Variants in SLC10A7 observed in about 807,000 individuals in gnomAD.
The protein encoded by SLC10A7 is sodium/bile acid cotransporter 7.
A neutral mutation model predicts 43.2 loss-of-function variants in SLC10A7; 29 were observed. The observed-to-expected ratio is 0.67, with a 90% CI of 0.50 to 0.92. The LOEUF is 0.92. Among genes scored for constraint, SLC10A7 ranks in the 40% least tolerant of loss-of-function variants. The pLI, the probability that SLC10A7 is intolerant of heterozygous loss-of-function variation, is 0.00. For synonymous variants in SLC10A7, 152 were observed against 144.8 expected (o/e 1.05, Z -0.35); for missense variants, 295 against 403.2 (o/e 0.73, Z 2.30).
At position 146,442,689 on chromosome 4, in the gene SLC10A7, A is replaced by G. The variant is rs375481435; in HGVS notation, c.435+94T>C. ...GATTCAACAATTTTTATACTTAACC[A>G]AAGAGTAAAACAAATCCAGCTTTCA... On this transcript the variant is annotated intron_variant, in intron 5 of 11. Coordinates refer to ENST00000335472, the MANE Select transcript of SLC10A7 (RefSeq NM_001029998.6). 9.0e-6 allele frequency: 14 copies of G among 1,549,652 alleles called. No individual in the cohort carries two copies. In the East Asian group the frequency reaches 1.2e-4, roughly 13 times the overall value.
chr4:146,434,507 A>C (rs1730047164), intron 5 of SLC10A7, among the ~76,000 whole-genome samples: 2 of 152,240 alleles, frequency 1.3e-5, no homozygotes, highest in Non-Finnish European at 2.9e-5. Context: ...AAAAAGTAGC[A>C]GTTTTAAAAA....
intron 5 of SLC10A7, among the ~76,000 whole-genome samples, chr4:146,435,920 T>C (rs1730175157): frequency 6.6e-6 from 1 of 152,080 alleles, no homozygotes; most frequent in African/African-American, 2.4e-5. Flanking sequence ...ACTGATGATG[T>C]TTCAAAAATT....
At chr4:146,463,734 C>T (rs535498825) in intron 4 of SLC10A7, among the ~76,000 whole-genome samples, 1 of 151,632 alleles carries the variant, frequency 6.6e-6, no homozygotes, top group Non-Finnish European at 1.5e-5. Context: ...GAGCAAGACC[C>T]TGTCTTAAAA....
At chr4:146,399,308 C>A (rs11725876) in intron 5 of SLC10A7, among the ~76,000 whole-genome samples, 32,688 of 151,986 alleles carry the variant, frequency 0.22, 3,665 homozygotes, top group African/African-American at 0.27. Flanking sequence ...AGCTAGATAA[C>A]AGGGCTTACT....
intron 7 of SLC10A7, among the ~76,000 whole-genome samples, 192 bp from the exon 8 acceptor site, chr4:146,294,287 C>T (rs1048389999): frequency 1.3e-5 from 2 of 152,172 alleles, no homozygotes; most frequent in African/African-American, 4.8e-5. Context: ...AGTGCAACTT[C>T]CACTGGGTGT....
chr4:146,335,928 C>T (rs879502809), intron 5 of SLC10A7, among the ~76,000 whole-genome samples: 17 of 151,978 alleles, frequency 1.1e-4, no homozygotes, highest in East Asian at 3.9e-4. Flanking sequence ...GTGATCTAAG[C>T]GCCAGCAACA....
chr4:146,348,881 T>A (rs1471797858), intron 5 of SLC10A7, among the ~76,000 whole-genome samples: 1 of 152,178 alleles, frequency 6.6e-6, no homozygotes. Context: ...TTAGATCCCG[T>A]GCCATATTAG....
intron 5 of SLC10A7, among the ~76,000 whole-genome samples, chr4:146,407,722 C>A (rs1346919487): frequency 6.6e-6 from 1 of 152,146 alleles, no homozygotes; most frequent in Non-Finnish European, 1.5e-5. Flanking sequence ...TTAACAGAAC[C>A]CTGTTTTCTT....
intron 5 of SLC10A7, among the ~76,000 whole-genome samples, chr4:146,356,051 A>AATAT (rs763407986): frequency 0.016 from 2,209 of 140,060 alleles, 37 homozygotes; most frequent in African/African-American, 0.042. Context: ...AAAAAAAAAA[A>AATAT]ATATATATAT....
At chr4:146,302,960 C>A (rs1265426184) in intron 7 of SLC10A7, among the ~76,000 whole-genome samples, 2 of 152,138 alleles carry the variant, frequency 1.3e-5, no homozygotes, top group African/African-American at 4.8e-5. Flanking sequence ...GATACTTATA[C>A]CCACAGCTGC....
intron 9 of SLC10A7, among the ~76,000 whole-genome samples, chr4:146,285,923 G>C (rs201045753): frequency 0.06 from 9,018 of 151,194 alleles, 263 homozygotes; most frequent in South Asian, 0.18. Flanking sequence ...ACTGAGTTTG[G>C]AGTGGTGAGA....
At chr4:146,277,017 A>C in intron 10 of SLC10A7, among the ~76,000 whole-genome samples, 1 of 152,190 alleles carries the variant, frequency 6.6e-6, no homozygotes. Flanking sequence ...TATTTGAGGA[A>C]GAAGGTAAAA....
chr4:146,258,815 C>T lies in SLC10A7; in HGVS notation c.870G>A (p.Val290=), dbSNP rs773846009. Residue 290 remains valine, a synonymous_variant, in exon 11 of 12, where the codon GTG becomes GTA. Coordinates refer to ENST00000335472, the MANE Select transcript of SLC10A7 (RefSeq NM_001029998.6). ...AAGAGAGATGCTCATGGCCTGCAAA[C>T]ACGATCTTCAGCATCGGAATTCCTG... The part of the protein sequence containing the change: ...LTLGIPMLKI[V]FAGHEHLSLI... 5.6e-6 allele frequency: 9 copies of T among 1,608,042 alleles called. No individual in the cohort carries two copies. In the South Asian group the frequency reaches 9.0e-5, roughly 16 times the overall value.
intron 5 of SLC10A7, among the ~76,000 whole-genome samples, chr4:146,416,151 G>C (rs1356962880): frequency 6.6e-6 from 1 of 152,174 alleles, no homozygotes; most frequent in Non-Finnish European, 1.5e-5. Context: ...GGAGATGCCA[G>C]AAATTAAAGC....
intron 5 of SLC10A7, among the ~76,000 whole-genome samples, chr4:146,386,159 T>TG (rs1737978853): frequency 6.6e-6 from 1 of 152,198 alleles, no homozygotes; most frequent in Non-Finnish European, 1.5e-5. Flanking sequence ...CTCTCCAAAC[T>TG]GCTTTCCACA....
chr4:146,402,344 A>C (rs1005804298), intron 5 of SLC10A7, among the ~76,000 whole-genome samples: 9 of 152,154 alleles, frequency 5.9e-5, no homozygotes, highest in African/African-American at 2.2e-4. Flanking sequence ...CTTCTTCAAC[A>C]GAGAGAAGTC....
intron 5 of SLC10A7, among the ~76,000 whole-genome samples, chr4:146,375,516 C>T (rs1737129664): frequency 6.6e-6 from 1 of 152,192 alleles, no homozygotes; most frequent in African/African-American, 2.4e-5. Flanking sequence ...AACCCTGCCA[C>T]AGAACATCTA....
At chr4:146,390,425 T>G (rs1287238505) in intron 5 of SLC10A7, among the ~76,000 whole-genome samples, 1 of 151,998 alleles carries the variant, frequency 6.6e-6, no homozygotes, top group Non-Finnish European at 1.5e-5. Context: ...GCTCAGGAGT[T>G]CAAGACCAAG....
At chr4:146,449,526 T>G (rs942980951) in intron 4 of SLC10A7, among the ~76,000 whole-genome samples, 3 of 152,068 alleles carry the variant, frequency 2.0e-5, no homozygotes, top group African/African-American at 7.2e-5. Context: ...TGTAGACCCC[T>G]GCTATGACAG....
Sources: gnomAD v4.1 joint callset for allele counts (sites outside exome capture counted in the v4.1 genomes callset) on GRCh38, gnomAD v4.1.1 for gene constraint, MANE v1.5 for transcripts, NCBI Gene and HGNC (gene_info 2026-07-23, HGNC 2026-07-21) for gene names.